The following SMG6 variants were observed in gnomAD, a reference collection of about 807,000 sequenced individuals.
SMG6 encodes telomerase-binding protein EST1A.
SMG6 carries 66 observed loss-of-function variants against 142.2 expected under a neutral mutation model. The ratio of observed to expected loss-of-function variants is 0.46; its 90% CI spans 0.38 to 0.57. The LOEUF (loss-of-function observed/expected upper bound fraction) is 0.57. Among genes scored for constraint, SMG6 ranks in the 20% least tolerant of loss-of-function variants. The probability of loss-of-function intolerance (pLI) is 0.00; values close to 1 mark genes in which losing one functional copy is unlikely to be tolerated. For missense variants in SMG6, 1,793 were observed against 1,832.0 expected (o/e 0.98, Z 0.39); for synonymous variants, 779 against 702.4 (o/e 1.11, Z -1.72).
At chr17:2,279,853 T>C (rs2074745713) in intron 8 of SMG6, among the ~76,000 whole-genome samples, 2 of 152,164 alleles carry the variant, frequency 1.3e-5, no homozygotes, top group Admixed American at 1.3e-4. Flanking sequence ...TGCCTCCAAG[T>C]AGAAATGCCT....
intron 11 of SMG6, among the ~76,000 whole-genome samples, chr17:2,187,441 T>C (rs2072024825): frequency 1.3e-5 from 2 of 152,162 alleles, no homozygotes; most frequent in African/African-American, 4.8e-5. Flanking sequence ...AATAATAGTA[T>C]TTTGTCAATG....
At chr17:2,195,095 G>C (rs542111857) in intron 10 of SMG6, among the ~76,000 whole-genome samples, 2 of 152,130 alleles carry the variant, frequency 1.3e-5, no homozygotes, top group African/African-American at 4.8e-5. Flanking sequence ...TTAGATATTC[G>C]GCACTTCATT....
chr17:2,222,066 A>T (rs1367042476), intron 10 of SMG6, among the ~76,000 whole-genome samples: 1 of 152,178 alleles, frequency 6.6e-6, no homozygotes, highest in Non-Finnish European at 1.5e-5. Context: ...ACTTGATATA[A>T]CGCATGTTTA....
rs756217205 is a variant in SMG6 at position 2,081,907 on chromosome 17, C to T, written c.3584G>A (p.Gly1195Asp). Residue 1195 changes from glycine (G) to aspartate (D), a missense_variant, in exon 15 of 19, where the codon GGC becomes GAC. Transcript: ENST00000263073. ...CCTGATGTCATCCTCGCCTCCGCTG[C>T]CTTCAGCCTCTGAATCTTCCTCAAA... ...EDFEEDSEAE[G>D]SGGEDDIREL... 3.1e-6 allele frequency: 5 copies of T among 1,614,198 alleles called. No homozygotes were observed. The Admixed American group carries it at 8.3e-5, about 27-fold the overall frequency.
At chr17:2,173,034 T>A (rs2071553615) in intron 12 of SMG6, 175 bp from the exon 13 acceptor site, 1 of 632,020 alleles carries the variant, frequency 1.6e-6, no homozygotes, top group Non-Finnish European at 2.8e-6. Context: ...GGCAGCAATC[T>A]GAGGTATGTG....
At chr17:2,292,504 A>G (rs764221313) in intron 6 of SMG6, 48 bp downstream of exon 6, 16 of 1,562,434 alleles carry the variant, frequency 1.0e-5, no homozygotes, top group Admixed American at 6.8e-5. Flanking sequence ...TCCATATTGT[A>G]AGATACTTCC....
At chr17:2,236,040 G>A (rs1334997679) in intron 10 of SMG6, 1 of 152,232 alleles carries the variant, frequency 6.6e-6, no homozygotes, top group Non-Finnish European at 1.5e-5. Context: ...CTCCCACTAG[G>A]GATATCCCAT....
At chr17:2,249,986 G>C (rs1446313831) in intron 8 of SMG6, among the ~76,000 whole-genome samples, 1 of 152,164 alleles carries the variant, frequency 6.6e-6, no homozygotes, top group East Asian at 1.9e-4. Flanking sequence ...CTGTAAAATG[G>C]AATTTCTACC....
At chr17:2,261,249 G>A (rs765628954) in intron 8 of SMG6, among the ~76,000 whole-genome samples, 4 of 151,798 alleles carry the variant, frequency 2.6e-5, no homozygotes, top group Non-Finnish European at 5.9e-5. Context: ...GGGAGGCGGA[G>A]CTTGCAGTGA....
intron 13 of SMG6, among the ~76,000 whole-genome samples, chr17:2,132,984 G>C (rs1418718313): frequency 2.0e-5 from 3 of 152,142 alleles, no homozygotes; most frequent in Non-Finnish European, 2.9e-5. Flanking sequence ...GATTCACCAT[G>C]TTGTAATCCC....
In SMG6 at chr17:2,071,144, G is replaced by A. The variant is rs1366028176; in HGVS notation, c.3682-2213C>T. On this transcript the variant is annotated intron_variant, in intron 15 of 18. Transcript: ENST00000263073. This position sits in a 1 kb window ranked among gnomAD's most constrained non-coding sequence, Gnocchi z 5.6. ...CTGGAGTGACAGGGGCTGGGGGTCCGGCTCTGCACTGCGCCTCTGCCTCTG... is the reference window on the plus strand; with the variant it reads ...CTGGAGTGACAGGGGCTGGGGGTCCAGCTCTGCACTGCGCCTCTGCCTCTG... Among the ~76,000 whole-genome samples the A allele has an allele frequency of 1.3e-5, 2 of 152,166 alleles. No individual in the cohort carries two copies. The highest frequency in any genetic ancestry group is 2.4e-5 in the African/African-American group (1 of 41,434).
chr17:2,298,941 G>A lies in SMG6; in HGVS notation c.1812C>T (p.Ile604=). The part of the protein sequence containing the change: ...QLSNLLSRDR[I]SPEGLEKMAQ... ...CCATCTTCTCCAGGCCCTCCGGACT[G>A]ATGCGGTCCCTGGAGAGCAGGTTGC... Residue 604 remains isoleucine, a synonymous_variant, in exon 2 of 19, where the codon ATC becomes ATT. Transcript: ENST00000263073. 1 of 1,614,110 alleles carries A rather than the reference G, an allele frequency of 6.2e-7. No individual in the cohort carries two copies. Among genetic ancestry groups the A allele is most frequent in the Admixed American group, 1.7e-5 (1 of 60,014 alleles).
chr17:2,254,659 A>C (rs2074123829), intron 8 of SMG6, among the ~76,000 whole-genome samples: 1 of 152,100 alleles, frequency 6.6e-6, no homozygotes. Flanking sequence ...ATAAATCAAC[A>C]GGTTGACACA....
In SMG6 at chr17:2,068,754, C is replaced by T. The variant is rs367743658; in HGVS notation, c.3835+24G>A. The T allele has an allele frequency of 1.6e-4, 258 of 1,610,954 alleles. 1 individual carries two copies. The South Asian group carries it at 2.6e-3, about 17-fold the overall frequency. ...GGGCTGCTGTGCACATGCAAGGCCG[C>T]TCTGCCCTTCCCGCCTGACTCACCG... On this transcript the variant is annotated intron_variant, in intron 16 of 18. Transcript: ENST00000263073. The surrounding 1 kb of genome is among the most constrained non-coding windows in gnomAD (Gnocchi z 6.7).
rs530415570 is a variant in SMG6 at position 2,108,074 on chromosome 17, G to T, written c.3358-22173C>A. ...AGATAAATCTAACAGGTTTTTTTTT[G>T]TTTTGTTTTGTTTTTTACATCCAAT... On this transcript the variant is annotated intron_variant, in intron 13 of 18. Transcript: ENST00000263073. Among the ~76,000 whole-genome samples, 132 of 150,978 alleles carry T rather than the reference G, an allele frequency of 8.7e-4. 1 individual carries two copies. In the South Asian group the frequency reaches 0.015, roughly 17 times the overall value.
chr17:2,140,045 A>C (rs949105851), intron 13 of SMG6, among the ~76,000 whole-genome samples: 1 of 149,862 alleles, frequency 6.7e-6, no homozygotes, highest in African/African-American at 2.5e-5. Flanking sequence ...CCTGTTAACT[A>C]ATTTTTTTTA....
At chr17:2,271,742 C>G (rs549223618) in intron 8 of SMG6, among the ~76,000 whole-genome samples, 1 of 152,050 alleles carries the variant, frequency 6.6e-6, no homozygotes, top group Non-Finnish European at 1.5e-5. Context: ...AAATAAAAAG[C>G]TGTAAATTTT....
At chr17:2,119,660 C>T (rs1363216624) in intron 13 of SMG6, among the ~76,000 whole-genome samples, 1 of 151,200 alleles carries the variant, frequency 6.6e-6, no homozygotes, top group South Asian at 2.1e-4. Flanking sequence ...CCACCATGCC[C>T]AGCTAATTTA....
chr17:2,069,006 C>A, intron 15 of SMG6, 75 bp from the exon 16 acceptor site: 1 of 1,475,992 alleles, frequency 6.8e-7, no homozygotes. Flanking sequence ...CCTGACACTA[C>A]GGTGTGTCAG....
Sources: gnomAD v4.1 joint callset for allele counts (sites outside exome capture counted in the v4.1 genomes callset) on GRCh38, gnomAD v4.1.1 for gene constraint, Gnocchi (gnomAD v3.1) non-coding constraint, MANE v1.5 for transcripts, NCBI Gene and HGNC (gene_info 2026-07-23, HGNC 2026-07-21) for gene names.